The following MICU3 variants were observed in gnomAD, a reference collection of about 807,000 sequenced individuals.
The protein encoded by MICU3 is calcium uptake protein 3, mitochondrial.
In MICU3, 62 loss-of-function variants were observed where a neutral mutation model predicts 66.5. The observed-to-expected ratio is 0.93, with a 90% CI of 0.76 to 1.15. The LOEUF (loss-of-function observed/expected upper bound fraction) is 1.15, where lower values mean the gene tolerates loss of function less well. Ranked by LOEUF, MICU3 falls within the 50% of genes most tolerant of loss-of-function variation. The pLI is 0.00. For synonymous variants in MICU3, 308 were observed against 240.7 expected, an observed-to-expected ratio of 1.28 and a Z score of -2.59; for missense variants, 779 against 664.4, an observed-to-expected ratio of 1.17 and a Z score of -1.90.
chr8:17,080,075 C>A (rs1055132829), intron 4 of MICU3, among the ~76,000 whole-genome samples: 1 of 151,708 alleles, frequency 6.6e-6, no homozygotes, highest in African/African-American at 2.4e-5. Context: ...TTACTATATG[C>A]CTAGCTTTTT....
chr8:17,130,336 C>T, the MICU3 span, among the ~76,000 whole-genome samples: 1 of 151,974 alleles, frequency 6.6e-6, no homozygotes, highest in African/African-American at 2.4e-5. Context: ...CCATCCTGGG[C>T]AACATGGTAA....
chr8:17,055,708 C>T (rs760541931), intron 1 of MICU3, among the ~76,000 whole-genome samples: 2 of 152,306 alleles, frequency 1.3e-5, no homozygotes, highest in South Asian at 2.1e-4. Context: ...CTCTGAATGA[C>T]TATATAAAGC....
chr8:17,083,354 C>T (rs774008633), intron 5 of MICU3, among the ~76,000 whole-genome samples: 2 of 152,072 alleles, frequency 1.3e-5, no homozygotes, highest in Non-Finnish European at 2.9e-5. Flanking sequence ...CTTGTAGCTC[C>T]AGCTGCATGA....
At chr8:17,073,138 T>C (rs1207316183) in intron 3 of MICU3, among the ~76,000 whole-genome samples, 6 of 152,162 alleles carry the variant, frequency 3.9e-5, no homozygotes, top group Admixed American at 3.9e-4. Context: ...AATTTGGCAA[T>C]ACCTAATAAT....
chr8:17,027,654 G>A lies in MICU3; in HGVS notation c.375G>A (p.Lys125=). 1 of 1,301,250 alleles carries A rather than the reference G, an allele frequency of 7.7e-7. No homozygotes were observed. The highest frequency in any genetic ancestry group is 9.7e-7 in the Non-Finnish European group (1 of 1,028,360). The allele number at this position is 1,301,250 out of a possible 1,614,324, so 80.6% of individuals were successfully genotyped here. A position where few individuals can be genotyped will look rare whatever the true frequency, so the allele number is the denominator to read the frequency against. ...TGCCCATCCCAGTGGCGGCTGCCAA[G>A]GAGACGGTGAGTGCGCGAGCGCGCG... ...GMLPIPVAAA[K]ETVAIGRTDI... is the part of the protein sequence containing the mutation. The change falls in exon 1 of 15, where the codon AAG becomes AAA. Residue 125 remains lysine (K), a synonymous_variant. Coordinates refer to ENST00000318063, the MANE Select transcript of MICU3 (RefSeq NM_181723.3).
intron 8 of MICU3, 41 bp downstream of exon 8, chr8:17,090,625 T>TC: frequency 7.1e-7 from 1 of 1,410,526 alleles, no homozygotes; most frequent in Non-Finnish European, 9.8e-7. Flanking sequence ...TATATAGCCC[T>TC]CACCTGTTAT....
intron 2 of MICU3, 149 bp from the exon 3 acceptor site, chr8:17,069,539 C>A: frequency 2.5e-6 from 1 of 399,566 alleles, no homozygotes. Context: ...AAGATCATAT[C>A]ACAGATCCAA....
intron 12 of MICU3, among the ~76,000 whole-genome samples, chr8:17,114,616 A>T (rs1360501436): frequency 6.6e-6 from 1 of 152,204 alleles, no homozygotes; most frequent in Non-Finnish European, 1.5e-5. Context: ...TGGTCATAGA[A>T]TCCCAAGTGC....
At chr8:17,040,190 G>A (rs1193288713) in intron 1 of MICU3, among the ~76,000 whole-genome samples, 1 of 152,154 alleles carries the variant, frequency 6.6e-6, no homozygotes, top group African/African-American at 2.4e-5. Context: ...TTATAGGCAT[G>A]AGCCACTGTG....
At chr8:17,077,056 T>A (rs1820485365) in intron 3 of MICU3, among the ~76,000 whole-genome samples, 2 of 152,222 alleles carry the variant, frequency 1.3e-5, no homozygotes, top group Non-Finnish European at 2.9e-5. Context: ...CAAAATTGAT[T>A]TAGCATATGA....
intron 12 of MICU3, among the ~76,000 whole-genome samples, chr8:17,114,729 C>T (rs1429509936): frequency 1.3e-5 from 2 of 152,162 alleles, no homozygotes; most frequent in African/African-American, 2.4e-5. Context: ...TCCTCATGGC[C>T]ATGTCCTTTT....
intron 3 of MICU3, among the ~76,000 whole-genome samples, chr8:17,077,098 G>A (rs1820490241): frequency 6.6e-6 from 1 of 152,144 alleles, no homozygotes; most frequent in Non-Finnish European, 1.5e-5. Context: ...TTCTCCAGTA[G>A]TTTCCGAGCA....
In MICU3 at chr8:17,098,473, GC is replaced by G; in HGVS notation, c.905del (p.Ala302ValfsTer13). On this transcript the variant is annotated frameshift_variant, in exon 9 of 15. Transcript: ENST00000318063. LOFTEE classifies it high-confidence loss of function. ...ACTTCTACAGGTACTTAAAACAGAT[GC>G]TGAGGAACTTGTCTCCAGAAGCTAT... is the stretch of plus-strand genomic sequence containing the variant. ...SPTNSVLKTD[A>X]EELVSRSYWD... 3 of 1,609,710 alleles carry G rather than the reference GC, an allele frequency of 1.9e-6. No individual in the cohort carries two copies. Among genetic ancestry groups the G allele is most frequent in the Non-Finnish European group, 2.5e-6 (3 of 1,176,494 alleles).
the MICU3 span, among the ~76,000 whole-genome samples, chr8:17,135,932 C>G: frequency 4.6e-5 from 7 of 152,164 alleles, no homozygotes; most frequent in South Asian, 2.1e-4. Context: ...GTGTAATAAA[C>G]TCAAATAGAT....
At chr8:17,123,224 C>G, downstream of MICU3, among the ~76,000 whole-genome samples, 1 of 151,942 alleles carries the variant, frequency 6.6e-6, no homozygotes, top group East Asian at 1.9e-4. Flanking sequence ...CTGTGAAATA[C>G]TTTATTTGTA....
intron 5 of MICU3, among the ~76,000 whole-genome samples, chr8:17,084,977 T>G (rs1002338853): frequency 5.3e-5 from 8 of 152,208 alleles, no homozygotes; most frequent in Admixed American, 3.3e-4. Flanking sequence ...GACTTTGGAT[T>G]AAAAAAGAGA....
At chr8:17,129,242 A>G in the MICU3 span, among the ~76,000 whole-genome samples, 1 of 152,162 alleles carries the variant, frequency 6.6e-6, no homozygotes, top group African/African-American at 2.4e-5. Flanking sequence ...TATCCATAAC[A>G]TCCACTATAA....
At position 17,121,757 on chromosome 8, in the gene MICU3, T is replaced by C. The variant is rs1803211803; in HGVS notation, c.*1470T>C. On this transcript the variant is annotated 3_prime_UTR_variant, in exon 15 of 15. Coordinates refer to ENST00000318063, the MANE Select transcript of MICU3 (RefSeq NM_181723.3). ...CATTGATTTTGTATGTTAGACTTTT[T>C]ACATTGTTTATCTAATATTATTTAT... 1 of 152,254 alleles carries C rather than the reference T, an allele frequency of 6.6e-6. No homozygotes were observed. The highest frequency in any genetic ancestry group is 2.4e-5 in the African/African-American group (1 of 41,456). The allele number at this position is 152,254 out of a possible 1,614,324, so 9.4% of individuals were successfully genotyped here.
In MICU3 at chr8:17,116,613, A is replaced by G; in HGVS notation, c.1524+13A>G. 1 of 1,528,374 alleles carries G rather than the reference A, an allele frequency of 6.5e-7. No individual in the cohort carries two copies. The highest frequency in any genetic ancestry group is 8.8e-7 in the Non-Finnish European group (1 of 1,142,506). The allele number at this position is 1,528,374 out of a possible 1,614,324, so 94.7% of individuals were successfully genotyped here. A position where few individuals can be genotyped will look rare whatever the true frequency, so the allele number is the denominator to read the frequency against. ...TAGAGGATTCCGGGTAAACCTACAC[A>G]TTTTAAACCTATTGATATCCTTTTT... On this transcript the variant is annotated intron_variant, in intron 13 of 14. Transcript: ENST00000318063.
Sources: gnomAD v4.1 joint callset for allele counts (sites outside exome capture counted in the v4.1 genomes callset) on GRCh38, gnomAD v4.1.1 for gene constraint, MANE v1.5 for transcripts, NCBI Gene and HGNC (gene_info 2026-07-23, HGNC 2026-07-21) for gene names.